Variants in SYT10 observed in about 807,000 individuals in gnomAD.
SYT10 encodes synaptotagmin 10, also known as synaptotagmin-10.
Under a neutral mutation model 51.1 loss-of-function variants are expected in SYT10, and 31 were observed. That is an observed-to-expected ratio of 0.61 (90% CI 0.46 to 0.82). SYT10 has a LOEUF of 0.82. Among genes scored for constraint, SYT10 ranks in the 40% least tolerant of loss-of-function variants. The pLI is 0.00. For missense variants in SYT10, 603 were observed against 634.0 expected (o/e 0.95, Z 0.53); for synonymous variants, 233 against 225.9 (o/e 1.03, Z -0.28).
In SYT10 at chr12:33,379,872, T is replaced by C; in HGVS notation, c.1460A>G (p.Tyr487Cys). The change falls in exon 6 of 7, where the codon TAT becomes TGT. Residue 487 changes from tyrosine to cysteine, a missense_variant. Physicochemically the swap from Tyr to Cys is radical, Grantham distance 194. Transcript: ENST00000228567. ...GRDHWNEMLA[Y>C]HRKPITHWHP... ...CCAGTGCGTTATTGGTTTTCGATGA[T>C]AGGCCAGCATTTCATTCCAGTGGTC... 6.2e-7 allele frequency: 1 copy of C among 1,614,016 alleles called. No homozygotes were observed. The highest frequency in any genetic ancestry group is 2.2e-5 in the East Asian group (1 of 44,856).
intron 1 of SYT10, among the ~76,000 whole-genome samples, chr12:33,428,086 G>T (rs1866567180): frequency 6.6e-6 from 1 of 152,192 alleles, no homozygotes; most frequent in African/African-American, 2.4e-5. Flanking sequence ...CTGAACCAGG[G>T]TTGCTGAAAT....
rs181929118 is a variant in SYT10, at chr12:33,394,878, G to A, written c.1078-9587C>T. ...CAAGGCGGGCAGACCATGAGGTCAGGAGATCAAGACCATCCTGGCTAACAT... is the reference window on the plus strand; with the variant it reads ...CAAGGCGGGCAGACCATGAGGTCAGAAGATCAAGACCATCCTGGCTAACAT... On this transcript the variant is annotated intron_variant, in intron 3 of 6. Transcript: ENST00000228567. Among the ~76,000 whole-genome samples, 95 of 152,332 alleles carry A rather than the reference G, an allele frequency of 6.2e-4. 1 individual carries two copies. In the East Asian group the frequency reaches 0.01, roughly 17 times the overall value.
At chr12:33,382,855 T>C (rs1245504120) in intron 4 of SYT10, among the ~76,000 whole-genome samples, 1 of 152,188 alleles carries the variant, frequency 6.6e-6, no homozygotes, top group Non-Finnish European at 1.5e-5. Flanking sequence ...AAATTAAAAA[T>C]ATCATTTGCT....
At chr12:33,419,976 T>C (rs1372141718) in intron 2 of SYT10, among the ~76,000 whole-genome samples, 3 of 152,166 alleles carry the variant, frequency 2.0e-5, no homozygotes, top group Non-Finnish European at 4.4e-5. Context: ...TAGCTCTGGA[T>C]CTCTATGCTC....
chr12:33,399,103 T>C (rs1324085765), intron 3 of SYT10, among the ~76,000 whole-genome samples: 1 of 152,186 alleles, frequency 6.6e-6, no homozygotes, highest in Non-Finnish European at 1.5e-5. Flanking sequence ...AATGGGAAAT[T>C]ATGTAGATGT....
At chr12:33,412,855 A>G (rs1866419381) in intron 2 of SYT10, among the ~76,000 whole-genome samples, 1 of 152,188 alleles carries the variant, frequency 6.6e-6, no homozygotes, top group Non-Finnish European at 1.5e-5. Flanking sequence ...ATGAATTGAG[A>G]GAAGAAGGCT....
At chr12:33,419,493 G>T (rs1167029691) in intron 2 of SYT10, among the ~76,000 whole-genome samples, 1 of 152,120 alleles carries the variant, frequency 6.6e-6, no homozygotes, top group African/African-American at 2.4e-5. Context: ...AATCCCTTCA[G>T]TAATTTACCT....
At position 33,405,332 on chromosome 12, in the gene SYT10, G is replaced by A. The variant is rs181019151; in HGVS notation, c.1077+1457C>T. On this transcript the variant is annotated intron_variant, in intron 3 of 6. Transcript: ENST00000228567. ...AATTAGTATTCATCATGTTTTCCCC[G>A]TGGGAATATAGGTAATAAAATGAAC... The A allele has an allele frequency of 1.3e-3, 193 of 152,050 alleles. 1 individual carries two copies. The highest frequency in any genetic ancestry group is 4.5e-3 in the African/African-American group (185 of 41,526). 9.4% of individuals were successfully genotyped at this position (152,050 alleles called of 1,614,324 possible). A position where few individuals can be genotyped will look rare whatever the true frequency, so the allele number is the denominator to read the frequency against.
intron 2 of SYT10, among the ~76,000 whole-genome samples, chr12:33,410,184 T>A (rs1431943329): frequency 3.3e-5 from 5 of 152,218 alleles, no homozygotes; most frequent in Admixed American, 2.6e-4. Context: ...CATTCTATAG[T>A]CCTTCAGTAA....
chr12:33,407,498 C>A, intron 2 of SYT10, 142 bp from the exon 3 acceptor site: 1 of 761,274 alleles, frequency 1.3e-6, no homozygotes, highest in Non-Finnish European at 1.9e-6. Flanking sequence ...TACATATAAT[C>A]AAAGAGGTAC....
chr12:33,426,604 C>G lies in SYT10; in HGVS notation c.152-109G>C, dbSNP rs1866555651. The G allele has an allele frequency of 7.9e-6, 8 of 1,006,892 alleles. No homozygotes were observed. In the South Asian group the frequency reaches 1.7e-4, roughly 21 times the overall value. The allele number at this position is 1,006,892 out of a possible 1,614,324, so 62.4% of individuals were successfully genotyped here. A position where few individuals can be genotyped will look rare whatever the true frequency, so the allele number is the denominator to read the frequency against. The stretch of plus-strand genomic sequence containing the variant: ...GTTATTATTTCCTGATTCAGAATTT[C>G]AAAAACTCAATTTTAAGTTATCTTT... On this transcript the variant is annotated intron_variant, in intron 1 of 6. Transcript: ENST00000228567.
In SYT10 at chr12:33,439,280, G is replaced by C. The variant is rs1866663644; in HGVS notation, c.151+92C>G. On this transcript the variant is annotated intron_variant, in intron 1 of 6. Coordinates refer to ENST00000228567, the MANE Select transcript of SYT10 (RefSeq NM_198992.4). The stretch of plus-strand genomic sequence containing the variant: ...GTGGCGCCCCAAATATGCCGCGGGA[G>C]CGGCGCGGGAGGCGCAGAACCCCGG... 5.4e-6 allele frequency: 8 copies of C among 1,472,258 alleles called. No homozygotes were observed. The South Asian group carries it at 1.1e-4, about 19-fold the overall frequency. 91.2% of individuals were successfully genotyped at this position (1,472,258 alleles called of 1,614,324 possible).
At chr12:33,414,733 A>G (rs1866438422) in intron 2 of SYT10, among the ~76,000 whole-genome samples, 1 of 152,196 alleles carries the variant, frequency 6.6e-6, no homozygotes, top group African/African-American at 2.4e-5. Flanking sequence ...AGCAGGGAAG[A>G]TCTAAAATTG....
intron 2 of SYT10, among the ~76,000 whole-genome samples, chr12:33,419,825 T>C (rs1482735755): frequency 1.3e-5 from 2 of 152,206 alleles, no homozygotes; most frequent in African/African-American, 2.4e-5. Flanking sequence ...TGAGAACATA[T>C]TATATTACAA....
intron 3 of SYT10, among the ~76,000 whole-genome samples, chr12:33,386,691 T>C (rs971339837): frequency 4.6e-5 from 7 of 152,154 alleles, no homozygotes; most frequent in African/African-American, 1.7e-4. Context: ...TTGTCTGATA[T>C]CATCTTTAAA....
At position 33,407,094 on chromosome 12, in the gene SYT10, G is replaced by A. The variant is rs773162851; in HGVS notation, c.772C>T (p.Leu258Phe). Residue 258 changes from leucine to phenylalanine, a missense_variant, in exon 3 of 7, where the codon CTC becomes TTC. Physicochemically the swap from Leu to Phe is conservative, Grantham distance 22. Coordinates refer to ENST00000228567, the MANE Select transcript of SYT10 (RefSeq NM_198992.4). ...GTTCCTGTGAAGTCTTTAGCAGGGA[G>A]ATCTAAAGCTTTGATAATTTTAACA... ...LVVKIIKALD[L>F]PAKDFTGTSD... The A allele has an allele frequency of 1.2e-6, 2 of 1,613,736 alleles. No homozygotes were observed. The highest frequency in any genetic ancestry group is 1.7e-6 in the Non-Finnish European group (2 of 1,179,906).
chr12:33,388,010 G>A (rs1162593231), intron 3 of SYT10, among the ~76,000 whole-genome samples: 1 of 152,094 alleles, frequency 6.6e-6, no homozygotes, highest in Non-Finnish European at 1.5e-5. Flanking sequence ...CCAAAGTGCT[G>A]GGGTTACAGG....
chr12:33,419,811 G>T (rs552894146), intron 2 of SYT10, among the ~76,000 whole-genome samples: 1 of 152,116 alleles, frequency 6.6e-6, no homozygotes, highest in Non-Finnish European at 1.5e-5. Context: ...TACAGATAAC[G>T]TTCTGAGAAC....
intron 3 of SYT10, among the ~76,000 whole-genome samples, chr12:33,387,111 G>A (rs746657988): frequency 6.6e-6 from 1 of 152,156 alleles, no homozygotes; most frequent in Non-Finnish European, 1.5e-5. Context: ...GGTCCACAGA[G>A]CTGGGGTCTT....
Sources: gnomAD v4.1 joint callset for allele counts (sites outside exome capture counted in the v4.1 genomes callset) on GRCh38, gnomAD v4.1.1 for gene constraint, MANE v1.5 for transcripts, NCBI Gene and HGNC (gene_info 2026-07-23, HGNC 2026-07-21) for gene names.